The following FOXN3 variants were observed in gnomAD, a reference collection of about 807,000 sequenced individuals.
The protein encoded by FOXN3 is forkhead box N3, also known as forkhead box protein N3.
FOXN3 carries 7 observed loss-of-function variants against 38.4 expected under a neutral mutation model. The ratio of observed to expected loss-of-function variants is 0.18; its 90% CI spans 0.10 to 0.34. FOXN3 has a LOEUF of 0.34. Among genes scored for constraint, FOXN3 ranks in the 10% least tolerant of loss-of-function variants. The probability of loss-of-function intolerance (pLI) is 1.00; values close to 1 mark genes in which losing one functional copy is unlikely to be tolerated. For synonymous variants in FOXN3, 230 were observed against 242.2 expected (o/e 0.95, Z 0.47); for missense variants, 456 against 613.4 (o/e 0.74, Z 2.71).
intron 3 of FOXN3, among the ~76,000 whole-genome samples, chr14:89,340,789 C>T (rs758065357): frequency 4.6e-5 from 7 of 151,944 alleles, no homozygotes; most frequent in Admixed American, 6.6e-5. Flanking sequence ...TTTATTCACA[C>T]GGAAGGAAAT....
At chr14:89,471,512 A>G (rs1027018041) in intron 1 of FOXN3, among the ~76,000 whole-genome samples, 16 of 152,124 alleles carry the variant, frequency 1.1e-4, no homozygotes, top group Non-Finnish European at 2.1e-4. Context: ...TGAGCCTAGG[A>G]GGCTGAGGTT....
chr14:89,536,520 G>A (rs1281581458), intron 1 of FOXN3, among the ~76,000 whole-genome samples: 1 of 152,180 alleles, frequency 6.6e-6, no homozygotes, highest in Admixed American at 6.5e-5. Flanking sequence ...GGTGGCTCAC[G>A]CCTATAATCC....
At chr14:89,286,709 C>T (rs189025682) in intron 3 of FOXN3, among the ~76,000 whole-genome samples, 18 of 152,306 alleles carry the variant, frequency 1.2e-4, no homozygotes, top group Admixed American at 7.8e-4. Context: ...ATGTGACCTA[C>T]GCCACAATGT....
chr14:89,178,441 C>T (rs1444561770), intron 5 of FOXN3, among the ~76,000 whole-genome samples: 2 of 152,212 alleles, frequency 1.3e-5, no homozygotes, highest in African/African-American at 4.8e-5. Flanking sequence ...TGAGCCACCA[C>T]ACCCAGCCCT....
chr14:89,615,047 T>C (rs1896465988), intron 1 of FOXN3, among the ~76,000 whole-genome samples: 1 of 151,372 alleles, frequency 6.6e-6, no homozygotes, highest in African/African-American at 2.4e-5. Flanking sequence ...AGCAAATCCT[T>C]TCAAAGTTAA....
intron 3 of FOXN3, among the ~76,000 whole-genome samples, chr14:89,333,465 G>A (rs1286745834): frequency 1.3e-5 from 2 of 150,070 alleles, no homozygotes; most frequent in African/African-American, 2.5e-5. Context: ...GAACAGTATG[G>A]AGGTTCCTTA....
At chr14:89,611,454 A>C (rs1241715621) in intron 1 of FOXN3, among the ~76,000 whole-genome samples, 5 of 152,232 alleles carry the variant, frequency 3.3e-5, no homozygotes, top group African/African-American at 1.2e-4. Context: ...TTATTTACCA[A>C]GTAGGTAAAC....
rs116211405 is a variant in FOXN3, at chr14:89,598,312, T to G, written c.-15+20716A>C. The stretch of plus-strand genomic sequence containing the variant: ...ATTTATTTATATTTAACCATTGAAT[T>G]CTTATTTCTATTGCTCTTCACTCCT... On this transcript the variant is annotated intron_variant, in intron 1 of 6. Transcript: ENST00000345097. Among the ~76,000 whole-genome samples the G allele has an allele frequency of 8.9e-3, 1,360 of 152,284 alleles. 21 individuals carry two copies. The highest frequency in any genetic ancestry group is 0.031 in the African/African-American group (1,271 of 41,554).
At chr14:89,387,062 G>A (rs1249717939) in intron 2 of FOXN3, among the ~76,000 whole-genome samples, 3 of 152,166 alleles carry the variant, frequency 2.0e-5, no homozygotes, top group Non-Finnish European at 4.4e-5. Context: ...TTCAAGACCA[G>A]CCTGGCCAAC....
chr14:89,581,574 T>C (rs1596324135), intron 1 of FOXN3, among the ~76,000 whole-genome samples: 1 of 152,232 alleles, frequency 6.6e-6, no homozygotes, highest in East Asian at 1.9e-4. Context: ...CATCCGACTA[T>C]TCCCCGGTAC....
At chr14:89,487,972 A>AG (rs1596294503) in intron 1 of FOXN3, among the ~76,000 whole-genome samples, 2 of 152,204 alleles carry the variant, frequency 1.3e-5, no homozygotes, top group East Asian at 3.9e-4. Flanking sequence ...GGAAAGCGTG[A>AG]GGGCTATTCG....
At position 89,500,744 on chromosome 14, in the gene FOXN3, G is replaced by A. The variant is rs1893780346; in HGVS notation, c.-14-88254C>T. Among the ~76,000 whole-genome samples, 7 of 152,330 alleles carry A rather than the reference G, an allele frequency of 4.6e-5. No homozygotes were observed. The South Asian group carries it at 1.5e-3, about 32-fold the overall frequency. Reference sequence around the variant, plus strand: ...ACCTGGCCCTGCCGGCTGGTGAGAGGTGGCTTTGTTCCTGGAGCAGCCATC... The same window carrying A: ...ACCTGGCCCTGCCGGCTGGTGAGAGATGGCTTTGTTCCTGGAGCAGCCATC... On this transcript the variant is annotated intron_variant, in intron 1 of 6. Transcript: ENST00000345097.
At chr14:89,618,750 C>T (rs916517827) in intron 1 of FOXN3, among the ~76,000 whole-genome samples, 1 of 150,500 alleles carries the variant, frequency 6.6e-6, no homozygotes. Context: ...TTTTAAAAAG[C>T]GACTATCCAC....
At chr14:89,495,390 T>C (rs1341493231) in intron 1 of FOXN3, among the ~76,000 whole-genome samples, 1 of 152,218 alleles carries the variant, frequency 6.6e-6, no homozygotes, top group African/African-American at 2.4e-5. Context: ...TGAATCATGC[T>C]TGGCTATTTA....
chr14:89,209,258 T>C (rs1331233949), intron 4 of FOXN3, among the ~76,000 whole-genome samples: 1 of 152,262 alleles, frequency 6.6e-6, no homozygotes, highest in Non-Finnish European at 1.5e-5. Context: ...GCAGCTAATC[T>C]GTGCCTCTCC....
At chr14:89,433,113 C>T (rs1324396200) in intron 1 of FOXN3, among the ~76,000 whole-genome samples, 1 of 152,128 alleles carries the variant, frequency 6.6e-6, no homozygotes, top group African/African-American at 2.4e-5. Context: ...CTTTGGGAGG[C>T]CGAGGCGGGG....
intron 1 of FOXN3, among the ~76,000 whole-genome samples, chr14:89,449,393 A>G (rs1006591217): frequency 6.6e-6 from 1 of 152,200 alleles, no homozygotes; most frequent in Non-Finnish European, 1.5e-5. Context: ...CACAATACAG[A>G]GGTCCAAATT....
At chr14:89,451,621 A>G (rs1009764188) in intron 1 of FOXN3, among the ~76,000 whole-genome samples, 3 of 152,158 alleles carry the variant, frequency 2.0e-5, no homozygotes, top group African/African-American at 7.2e-5. Context: ...CTCTGTGTTC[A>G]TTCTGGAGAA....
At position 89,416,121 on chromosome 14, in the gene FOXN3, C is replaced by T. The variant is rs777183112; in HGVS notation, c.-15+750G>A. Among the ~76,000 whole-genome samples the T allele has an allele frequency of 3.3e-5, 5 of 152,198 alleles. No homozygotes were observed. The South Asian group carries it at 1.0e-3, about 32-fold the overall frequency. ...GGGGGCCGGGTCACCCCCGCCCACC[C>T]AGCACGCGCGCGCGCGCACGCACGC... On this transcript the variant is annotated intron_variant, in intron 1 of 5. Transcript: ENST00000557258.
Sources: allele counts gnomAD v4.1 joint callset (sites outside exome capture counted in the v4.1 genomes callset), GRCh38; gene constraint gnomAD v4.1.1; transcripts MANE v1.5; gene names NCBI Gene and HGNC (gene_info 2026-07-23, HGNC 2026-07-21).